NKAIN2: variants seen among roughly 807,000 people sequenced by gnomAD.
The protein encoded by NKAIN2 is sodium/potassium-transporting ATPase subunit beta-1-interacting protein 2.
A neutral mutation model predicts 32.6 loss-of-function variants in NKAIN2; 14 were observed. The ratio of observed to expected loss-of-function variants is 0.43; its 90% CI spans 0.28 to 0.67. The LOEUF (loss-of-function observed/expected upper bound fraction) is 0.67, where lower values mean the gene tolerates loss of function less well. Among genes scored for constraint, NKAIN2 ranks in the 30% least tolerant of loss-of-function variants. The probability of loss-of-function intolerance (pLI) is 0.17; values close to 1 mark genes in which losing one functional copy is unlikely to be tolerated. For synonymous variants in NKAIN2, 80 were observed against 87.2 expected (o/e 0.92, Z 0.46); for missense variants, 198 against 258.3 (o/e 0.77, Z 1.60).
chr6:124,813,794 G>A (rs1317746925), intron 5 of NKAIN2, among the ~76,000 whole-genome samples: 3 of 152,068 alleles, frequency 2.0e-5, no homozygotes, highest in African/African-American at 7.2e-5. Flanking sequence ...TATTTTTAAG[G>A]ATATAAGGAG....
intron 1 of NKAIN2, among the ~76,000 whole-genome samples, chr6:123,870,872 C>T (rs1772834120): frequency 1.3e-5 from 2 of 152,062 alleles, no homozygotes; most frequent in African/African-American, 4.8e-5. Flanking sequence ...TTTTGCTTTA[C>T]TAAAGTTATA....
intron 1 of NKAIN2, among the ~76,000 whole-genome samples, chr6:123,875,979 A>C (rs959479969): frequency 6.6e-6 from 1 of 152,092 alleles, no homozygotes; most frequent in African/African-American, 2.4e-5. Flanking sequence ...CAGTTCTGCT[A>C]TTCTGTCAGT....
At chr6:124,414,951 G>A (rs1296804019) in intron 3 of NKAIN2, among the ~76,000 whole-genome samples, 1 of 150,652 alleles carries the variant, frequency 6.6e-6, no homozygotes, top group Non-Finnish European at 1.5e-5. Flanking sequence ...CTTTAAAAAA[G>A]AATCATCTTG....
intron 3 of NKAIN2, among the ~76,000 whole-genome samples, chr6:124,487,094 T>G (rs1035912815): frequency 2.6e-5 from 4 of 152,146 alleles, no homozygotes; most frequent in African/African-American, 9.7e-5. Flanking sequence ...AAGTCATTAG[T>G]ACATCCTGGA....
intron 1 of NKAIN2, among the ~76,000 whole-genome samples, chr6:123,828,227 G>A (rs1024722320): frequency 3.9e-5 from 6 of 152,042 alleles, no homozygotes; most frequent in African/African-American, 1.4e-4. Context: ...TTGAGGGCAA[G>A]CACATGTCTT....
chr6:124,334,970 T>G (rs1025267946), intron 2 of NKAIN2, among the ~76,000 whole-genome samples: 1 of 152,200 alleles, frequency 6.6e-6, no homozygotes, highest in African/African-American at 2.4e-5. Context: ...ACTTTCTCAC[T>G]GTTATGATTT....
chr6:124,735,122 C>G (rs1293226677), intron 4 of NKAIN2, among the ~76,000 whole-genome samples: 1 of 151,832 alleles, frequency 6.6e-6, no homozygotes, highest in Non-Finnish European at 1.5e-5. Flanking sequence ...TCTGAATTCC[C>G]TTAAAAATGG....
intron 1 of NKAIN2, among the ~76,000 whole-genome samples, chr6:123,942,688 A>G (rs991648739): frequency 1.3e-5 from 2 of 152,050 alleles, no homozygotes; most frequent in African/African-American, 4.8e-5. Context: ...GGTCTTGAAT[A>G]GCTCTAGGGT....
At chr6:123,867,860 T>A (rs1269334708) in intron 1 of NKAIN2, among the ~76,000 whole-genome samples, 1 of 150,160 alleles carries the variant, frequency 6.7e-6, no homozygotes, top group East Asian at 2.0e-4. Context: ...TGTACTGGGT[T>A]CATTTTTTTT....
intron 3 of NKAIN2, among the ~76,000 whole-genome samples, chr6:124,442,490 A>G (rs774595690): frequency 2.0e-5 from 3 of 152,118 alleles, no homozygotes; most frequent in Admixed American, 6.6e-5. Context: ...ATTGAGAGCC[A>G]TATGAATTGC....
At chr6:124,453,653 T>C (rs950745778) in intron 3 of NKAIN2, among the ~76,000 whole-genome samples, 1 of 152,142 alleles carries the variant, frequency 6.6e-6, no homozygotes, top group Admixed American at 6.6e-5. Context: ...GCAGAGTTGT[T>C]AGAAGCACTG....
intron 3 of NKAIN2, among the ~76,000 whole-genome samples, chr6:124,487,779 G>C (rs1229527124): frequency 4.6e-5 from 7 of 152,038 alleles, no homozygotes; most frequent in Admixed American, 4.6e-4. Flanking sequence ...GAAAATATCT[G>C]TTCCAAGTGT....
intron 2 of NKAIN2, among the ~76,000 whole-genome samples, chr6:124,310,247 TG>T (rs748817649): frequency 3.3e-5 from 5 of 152,196 alleles, no homozygotes; most frequent in South Asian, 4.1e-4. Context: ...CTTTCATTTA[TG>T]TAGATTTTTT....
At chr6:124,506,370 T>C (rs1778481336) in intron 3 of NKAIN2, among the ~76,000 whole-genome samples, 1 of 152,160 alleles carries the variant, frequency 6.6e-6, no homozygotes, top group African/African-American at 2.4e-5. Flanking sequence ...CTATGAAGCA[T>C]TGCTGTTCAG....
chr6:124,793,252 A>G lies in NKAIN2; in HGVS notation c.535+1853A>G, dbSNP rs77412475. On this transcript the variant is annotated intron_variant, in intron 5 of 6. Coordinates refer to ENST00000368417, the MANE Select transcript of NKAIN2 (RefSeq NM_001040214.3). ...TTGCCACTTGCGAAGAAAAATGGGAATAAGATCACTAGTTCAGTTTGCACA... is the reference window on the plus strand; with the variant it reads ...TTGCCACTTGCGAAGAAAAATGGGAGTAAGATCACTAGTTCAGTTTGCACA... Among the ~76,000 whole-genome samples the G allele has an allele frequency of 3.7e-3, 557 of 152,250 alleles. 2 individuals carry two copies. Among genetic ancestry groups the G allele is most frequent in the African/African-American group, 0.013 (538 of 41,556 alleles).
intron 3 of NKAIN2, among the ~76,000 whole-genome samples, chr6:124,589,839 C>G (rs1781844077): frequency 6.6e-6 from 1 of 151,976 alleles, no homozygotes; most frequent in African/African-American, 2.4e-5. Flanking sequence ...CCCCCCACCC[C>G]CCAACAAGCC....
chr6:124,291,720 A>G (rs73773710), intron 2 of NKAIN2, among the ~76,000 whole-genome samples: 4,430 of 152,076 alleles, frequency 0.029, 219 homozygotes, highest in African/African-American at 0.1. Flanking sequence ...TAATACGACA[A>G]CCTTTGTTCA....
At chr6:124,654,108 TTAAATGA>T (rs1212993837) in intron 3 of NKAIN2, among the ~76,000 whole-genome samples, 2 of 152,074 alleles carry the variant, frequency 1.3e-5, no homozygotes, top group East Asian at 1.9e-4. Context: ...GAGATAATAC[TTAAATGA>T]TAAATGAATA....
chr6:124,154,669 G>A (rs1787895267), intron 1 of NKAIN2, among the ~76,000 whole-genome samples: 1 of 151,914 alleles, frequency 6.6e-6, no homozygotes, highest in Non-Finnish European at 1.5e-5. Context: ...CTTAAAGTGA[G>A]TATTAATTAC....
Sources: allele counts gnomAD v4.1 joint callset (sites outside exome capture counted in the v4.1 genomes callset), GRCh38; gene constraint gnomAD v4.1.1; transcripts MANE v1.5; gene names NCBI Gene and HGNC (gene_info 2026-07-23, HGNC 2026-07-21).